Variants in SRCIN1 observed in about 807,000 individuals in gnomAD.
SRCIN1 encodes P130Cas-associated protein.
In SRCIN1, 50 loss-of-function variants were observed where a neutral mutation model predicts 116.2. That is an observed-to-expected ratio of 0.43 (90% CI 0.34 to 0.54). SRCIN1 has a LOEUF of 0.54. Ranked by LOEUF, SRCIN1 falls within the 20% of genes least tolerant of loss-of-function variation. SRCIN1 has a pLI of 0.02. For synonymous variants in SRCIN1, 736 were observed against 750.0 expected (o/e 0.98, Z 0.30); for missense variants, 1,446 against 1,672.0 (o/e 0.86, Z 2.36).
rs1270445222 is a variant in SRCIN1 at position 38,568,461 on chromosome 17, C to A, written c.325-230G>T. Among the ~76,000 whole-genome samples the A allele has an allele frequency of 1.3e-5, 2 of 152,182 alleles. No homozygotes were observed. The highest frequency in any genetic ancestry group is 6.5e-5 in the Admixed American group (1 of 15,282). On this transcript the variant is annotated intron_variant, in intron 2 of 18. Transcript: ENST00000617146. This position sits in a 1 kb window ranked among gnomAD's most constrained non-coding sequence, Gnocchi z 4.5. Reference sequence around the variant, plus strand: ...CTGAGCAGGCGCTACAGCGACTCCTCGCAGAGTTACTGGTGGGAAAAGGCA... The same window carrying A: ...CTGAGCAGGCGCTACAGCGACTCCTAGCAGAGTTACTGGTGGGAAAAGGCA...
In SRCIN1 at chr17:38,551,292, A is replaced by G; in HGVS notation, c.2825T>C (p.Leu942Pro). ...RLLEETQAELLKAIPDLDCAS... is the reference protein window; with the variant it reads ...RLLEETQAELPKAIPDLDCAS... ...ACAGTCCAGGTCAGGGATGGCCTTGAGCAGCTCTGCCTGTGTCTCTTCCAG... is the reference window on the plus strand; with the variant it reads ...ACAGTCCAGGTCAGGGATGGCCTTGGGCAGCTCTGCCTGTGTCTCTTCCAG... Residue 942 changes from leucine (L) to proline (P), a missense_variant, in exon 15 of 19, where the codon CTC (leucine) becomes CCC (proline). By Grantham distance (98) the Leu-to-Pro change is moderately conservative (BLOSUM62 -3). Around this residue, in one of 5 missense-constraint regions of SRCIN1, gnomAD observed 531 missense variants for 633.9 expected, o/e 0.84. Transcript: ENST00000617146. The G allele has an allele frequency of 6.2e-7, 1 of 1,613,774 alleles. No homozygotes were observed.
chr17:38,574,128 C>T (rs1452234776), intron 2 of SRCIN1, among the ~76,000 whole-genome samples: 1 of 152,222 alleles, frequency 6.6e-6, no homozygotes, highest in Non-Finnish European at 1.5e-5. Context: ...CCCTCCTCCG[C>T]CTCCTACAGC....
At chr17:38,575,292 C>T (rs1907350974) in intron 2 of SRCIN1, among the ~76,000 whole-genome samples, 1 of 152,172 alleles carries the variant, frequency 6.6e-6, no homozygotes, top group South Asian at 2.1e-4. Context: ...CTCTGTCTCC[C>T]AGGCTGGAGT....
chr17:38,579,713 C>A (rs112601966), intron 1 of SRCIN1, among the ~76,000 whole-genome samples: 3,036 of 152,224 alleles, frequency 0.02, 117 homozygotes, highest in African/African-American at 0.068. Flanking sequence ...TGAGGTCCCA[C>A]GCGGAACTCT....
intron 3 of SRCIN1, 30 bp from the exon 4 acceptor site, chr17:38,564,343 C>A (rs1250790353): frequency 6.7e-7 from 1 of 1,485,750 alleles, no homozygotes; most frequent in Admixed American, 2.1e-5. Context: ...TGAGAGGAAC[C>A]AAGGATGAGC....
At position 38,568,872 on chromosome 17, in the gene SRCIN1, G is replaced by A. The variant is rs1441679127; in HGVS notation, c.325-641C>T. On this transcript the variant is annotated intron_variant, in intron 2 of 18. Transcript: ENST00000617146. The surrounding 1 kb of genome is among the most constrained non-coding windows in gnomAD (Gnocchi z 4.5). ...GCAGAAAGTGTCTGAATGGAGCAGA[G>A]TGGGATCAGAACTAGACCCCGGGGC... 6.6e-6 allele frequency among the ~76,000 whole-genome samples: 1 copy of A among 151,856 alleles called. No individual in the cohort carries two copies. Among genetic ancestry groups the A allele is most frequent in the Non-Finnish European group, 1.5e-5 (1 of 67,976 alleles).
In SRCIN1 at chr17:38,585,887, CA is replaced by C. The variant is rs1300559223; in HGVS notation, c.23-7097del. Among the ~76,000 whole-genome samples the C allele has an allele frequency of 6.6e-6, 1 of 152,240 alleles. No homozygotes were observed. The highest frequency in any genetic ancestry group is 1.9e-4 in the East Asian group (1 of 5,182). On this transcript the variant is annotated intron_variant, in intron 1 of 18. Coordinates refer to ENST00000617146, the MANE Select transcript of SRCIN1 (RefSeq NM_025248.3). This position sits in a 1 kb window ranked among gnomAD's most constrained non-coding sequence, Gnocchi z 4.2. Reference sequence around the variant, plus strand: ...AGGCAGCTGGACTGAGGATTGGAGACAGGGGGCTCCTGCCTAGCTCCTGGCA... The same window carrying C: ...AGGCAGCTGGACTGAGGATTGGAGACGGGGGCTCCTGCCTAGCTCCTGGCA...
Position 38,568,121 on chromosome 17 carries a change from C to A in SRCIN1, c.345+90G>T. The stretch of plus-strand genomic sequence containing the variant: ...AGAAGGTGTCCGTGCAGATGCGCAC[C>A]CCGGTGCAAAGCCTGTGCAAGGGAG... On this transcript the variant is annotated intron_variant, in intron 3 of 18. Transcript: ENST00000617146. The surrounding 1 kb of genome is among the most constrained non-coding windows in gnomAD (Gnocchi z 4.5). 1 of 1,514,718 alleles carries A rather than the reference C, an allele frequency of 6.6e-7. No homozygotes were observed. The highest frequency in any genetic ancestry group is 9.1e-7 in the Non-Finnish European group (1 of 1,098,744). The allele number at this position is 1,514,718 out of a possible 1,614,324, so 93.8% of individuals were successfully genotyped here.
Position 38,561,870 on chromosome 17 carries a change from C to G in SRCIN1, c.1293G>C (p.Ser431=). The G allele has an allele frequency of 1.4e-6, 2 of 1,455,820 alleles. No individual in the cohort carries two copies. The highest frequency in any genetic ancestry group is 1.8e-6 in the Non-Finnish European group (2 of 1,117,220). The allele number at this position is 1,455,820 out of a possible 1,614,324, so 90.2% of individuals were successfully genotyped here. A position where few individuals can be genotyped will look rare whatever the true frequency, so the allele number is the denominator to read the frequency against. The part of the protein sequence containing the change: ...PGAGGLYKRG[S]VRSLSTYSAA... ...CCGAGTAGGTGCTGAGCGAGCGCACCGAGCCGCGCTTGTAGAGGCCGCCGG... is the reference window on the plus strand; with the variant it reads ...CCGAGTAGGTGCTGAGCGAGCGCACGGAGCCGCGCTTGTAGAGGCCGCCGG... The change falls in exon 7 of 19, where the codon TCG becomes TCC. Residue 431 remains serine (S), a synonymous_variant. Coordinates refer to ENST00000617146, the MANE Select transcript of SRCIN1 (RefSeq NM_025248.3).
chr17:38,560,072 C>T lies in SRCIN1; in HGVS notation c.1819G>A (p.Ala607Thr). 1 of 1,557,042 alleles carries T rather than the reference C, an allele frequency of 6.4e-7. No individual in the cohort carries two copies. The highest frequency in any genetic ancestry group is 8.7e-7 in the Non-Finnish European group (1 of 1,150,452). ...CACTCACGTGCTGAGGGGGTGGCTG[C>T]TCCATTGGAGCCTTCAATCTTCTCG... ...PSEKIEGSNG[A>T]ATPSAPCGSG... The change falls in exon 9 of 19, where the codon GCA becomes ACA. Residue 607 changes from alanine to threonine, a missense_variant. By Grantham distance (58) the Ala-to-Thr change is moderately conservative. This residue lies in a region of SRCIN1 where 398 missense variants were observed against 385.6 expected (regional missense o/e 1.03). Transcript: ENST00000617146.
At chr17:38,548,738 C>G in intron 16 of SRCIN1, 29 bp from the exon 17 acceptor site, 3 of 1,548,422 alleles carry the variant, frequency 1.9e-6, no homozygotes, top group South Asian at 2.5e-5. Context: ...CTGTCAAGGC[C>G]AGGCTCTGCC....
At position 38,531,251 on chromosome 17, in the gene SRCIN1, C is replaced by T. The variant is rs957223533; in HGVS notation, c.*2046G>A. The T allele has an allele frequency of 6.6e-6, 1 of 152,066 alleles. No individual in the cohort carries two copies. Among genetic ancestry groups the T allele is most frequent in the Non-Finnish European group, 1.5e-5 (1 of 67,868 alleles). 9.4% of individuals were successfully genotyped at this position (152,066 alleles called of 1,614,324 possible). On this transcript the variant is annotated 3_prime_UTR_variant, in exon 19 of 19. Coordinates refer to ENST00000617146, the MANE Select transcript of SRCIN1 (RefSeq NM_025248.3). ...GAGGAGGGGGCACCACTCCCCCCTCCCCTCCCAAGTCAGGGGGTCTCTGTA... is the reference window on the plus strand; with the variant it reads ...GAGGAGGGGGCACCACTCCCCCCTCTCCTCCCAAGTCAGGGGGTCTCTGTA...
At chr17:38,543,391 G>T (rs550311106) in intron 18 of SRCIN1, among the ~76,000 whole-genome samples, 1 of 152,338 alleles carries the variant, frequency 6.6e-6, no homozygotes, top group South Asian at 2.1e-4. Context: ...GGAGAGGGAA[G>T]CGGAGAGAGA....
Position 38,559,810 on chromosome 17 carries a change from CTG to C in SRCIN1, c.1838-40_1838-39del, listed in dbSNP as rs778102917. ...ACGAGGATGGGAGAAAGTGAACAAA[CTG>C]TGAGCCTGGGAAGGACTGGGCTGGG... On this transcript the variant is annotated intron_variant, in intron 9 of 18. Coordinates refer to ENST00000617146, the MANE Select transcript of SRCIN1 (RefSeq NM_025248.3). 17 of 1,469,338 alleles carry C rather than the reference CTG, an allele frequency of 1.2e-5. No homozygotes were observed. In the African/African-American group the frequency reaches 2.0e-4, roughly 17 times the overall value. 91.0% of individuals were successfully genotyped at this position (1,469,338 alleles called of 1,614,324 possible).
intron 1 of SRCIN1, among the ~76,000 whole-genome samples, chr17:38,599,877 C>T (rs575486168): frequency 2.0e-4 from 31 of 152,308 alleles, no homozygotes; most frequent in African/African-American, 7.2e-4. Flanking sequence ...AAGTCCTCAT[C>T]CTCTGCAAAA....
rs2143211793 is a variant in SRCIN1 at position 38,564,256 on chromosome 17, T to C, written c.403A>G (p.Lys135Glu). 1.3e-6 allele frequency: 2 copies of C among 1,575,402 alleles called. No individual in the cohort carries two copies. The highest frequency in any genetic ancestry group is 2.3e-5 in the South Asian group (2 of 85,946). The change falls in exon 4 of 19, where the codon AAG becomes GAG. Residue 135 changes from lysine to glutamate, a missense_variant. Lys to Glu is a moderately conservative substitution (Grantham distance 56). Around this residue, in one of 5 missense-constraint regions of SRCIN1, gnomAD observed 246 missense variants for 265.1 expected, o/e 0.93. Coordinates refer to ENST00000617146, the MANE Select transcript of SRCIN1 (RefSeq NM_025248.3). ...GACTCGGCGGAGGCGTAGGACAGCT[T>C]TGCCGCCTGGTCTGCCAGCCCGGGC... ...AQPGLADQAAKLSYASAESLE... is the reference protein window; with the variant it reads ...AQPGLADQAAELSYASAESLE...
Position 38,563,216 on chromosome 17 carries a change from G to T in SRCIN1, c.740+107C>A. The stretch of plus-strand genomic sequence containing the variant: ...AGGGCTCTGGGAGGGGAGGGGAAAG[G>T]CTGAGGTCGGGTCAGGAAGGAGCTG... On this transcript the variant is annotated intron_variant, in intron 5 of 18. Coordinates refer to ENST00000617146, the MANE Select transcript of SRCIN1 (RefSeq NM_025248.3). The surrounding 1 kb of genome is among the most constrained non-coding windows in gnomAD (Gnocchi z 5.8). The T allele has an allele frequency of 1.5e-6, 2 of 1,305,018 alleles. No individual in the cohort carries two copies. Among genetic ancestry groups the T allele is most frequent in the Non-Finnish European group, 2.1e-6 (2 of 947,500 alleles). The allele number at this position is 1,305,018 out of a possible 1,614,324, so 80.8% of individuals were successfully genotyped here.
At chr17:38,547,720 C>A in intron 17 of SRCIN1, 1 of 314,698 alleles carries the variant, frequency 3.2e-6, no homozygotes, top group South Asian at 2.4e-5. Context: ...GGGGCACAGG[C>A]AGAGAGAGAG....
Position 38,533,156 on chromosome 17 carries a change from GAGGGCCGCA to G in SRCIN1, c.*132_*140del. On this transcript the variant is annotated 3_prime_UTR_variant, in exon 19 of 19. Coordinates refer to ENST00000617146, the MANE Select transcript of SRCIN1 (RefSeq NM_025248.3). ...CAGATGATGGGTAGGGGTCGCTGAG[GAGGGCCGCA>G]CCCTCCTCTTCAGGGCACACCCCTC... The G allele has an allele frequency of 1.1e-6, 1 of 945,086 alleles. No homozygotes were observed. Among genetic ancestry groups the G allele is most frequent in the Non-Finnish European group, 1.4e-6 (1 of 715,884 alleles). The allele number at this position is 945,086 out of a possible 1,614,324, so 58.5% of individuals were successfully genotyped here. A position where few individuals can be genotyped will look rare whatever the true frequency, so the allele number is the denominator to read the frequency against.
Sources: gnomAD v4.1 joint callset for allele counts (sites outside exome capture counted in the v4.1 genomes callset) on GRCh38, gnomAD v4.1.1 for gene constraint, gnomAD v4.1.1 regional missense constraint, Gnocchi (gnomAD v3.1) non-coding constraint, MANE v1.5 for transcripts, NCBI Gene and HGNC (gene_info 2026-07-23, HGNC 2026-07-21) for gene names.